Variants in ACSL4 observed in about 807,000 individuals in gnomAD.
ACSL4 encodes acyl-CoA synthetase long chain family member 4, also known as long-chain-fatty-acid--CoA ligase 4.
Under a neutral mutation model 49.1 loss-of-function variants are expected in ACSL4, and 9 were observed. The ratio of observed to expected loss-of-function variants is 0.18; its 90% CI spans 0.11 to 0.32. ACSL4 has a LOEUF of 0.32. Ranked by LOEUF, ACSL4 falls within the 10% of genes least tolerant of loss-of-function variation. The pLI is 1.00. For synonymous variants in ACSL4, 191 were observed against 170.3 expected, an observed-to-expected ratio of 1.12 and a Z score of -0.95; for missense variants, 333 against 493.7, an observed-to-expected ratio of 0.67 and a Z score of 3.08.
At chrX:109,663,025 G>A (rs780122924) in intron 13 of ACSL4, among the ~76,000 whole-genome samples, 186 bp downstream of exon 13, 2 of 111,536 alleles carry the variant, frequency 1.8e-5, no homozygotes, top group African/African-American at 6.5e-5. Context: ...TAATCTTAAC[G>A]ACAGCCCTAT....
chrX:109,646,537 G>A (rs1159795102), intron 15 of ACSL4, among the ~76,000 whole-genome samples: 1 of 109,099 alleles, frequency 9.2e-6, no homozygotes, highest in Non-Finnish European at 1.9e-5. Flanking sequence ...AACATGGAAA[G>A]GAACAACCGG....
intron 9 of ACSL4, among the ~76,000 whole-genome samples, chrX:109,672,302 G>A (rs936087610): frequency 9.2e-6 from 1 of 108,410 alleles, no homozygotes; most frequent in Non-Finnish European, 1.9e-5. Context: ...GGGGAGGGGA[G>A]AGGGGGCAGG....
chrX:109,724,452 T>A (rs1445787242), intron 1 of ACSL4, among the ~76,000 whole-genome samples: 1 of 110,940 alleles, frequency 9.0e-6, no homozygotes, highest in Non-Finnish European at 1.9e-5. Flanking sequence ...TTTTTGTTTT[T>A]GTTTTTTTGA....
At chrX:109,685,875 AG>A (rs1431786726) in intron 2 of ACSL4, among the ~76,000 whole-genome samples, 1 of 111,064 alleles carries the variant, frequency 9.0e-6, no homozygotes, top group Non-Finnish European at 1.9e-5. Flanking sequence ...CACAATGTCA[AG>A]TGATTCACAA....
intron 15 of ACSL4, among the ~76,000 whole-genome samples, chrX:109,648,055 C>T (rs766169137): frequency 2.0e-4 from 22 of 111,590 alleles, no homozygotes; most frequent in African/African-American, 4.9e-4. Context: ...AAAAAAAAGC[C>T]CATGACCAGA....
At position 109,733,233 on chromosome X, in the gene ACSL4, A is replaced by G; in HGVS notation, c.-160T>C. The G allele has an allele frequency of 3.1e-6, 1 of 321,446 alleles. No homozygotes were observed. 26.5% of individuals were successfully genotyped at this position (321,446 alleles called of 1,213,427 possible). On this transcript the variant is annotated 5_prime_UTR_variant, in exon 1 of 16. Transcript: ENST00000672401. ...CCGCGTGCCCGCTAGCGCTGGGACG[A>G]GGAGGAGCGCGCGGCGGAGGCCAGA... is the stretch of plus-strand genomic sequence containing the variant.
intron 1 of ACSL4, among the ~76,000 whole-genome samples, chrX:109,700,207 C>CAAA (rs748667601): frequency 1.4e-3 from 23 of 16,241 alleles, no homozygotes; most frequent in South Asian, 2.9e-3. Flanking sequence ...GACTCCGTCT[C>CAAA]AAAAAAAAAA....
chrX:109,725,538 G>A (rs1018806736), intron 1 of ACSL4, among the ~76,000 whole-genome samples: 6 of 110,899 alleles, frequency 5.4e-5, no homozygotes, highest in East Asian at 5.7e-4. Context: ...CAAGGCGGGC[G>A]GATCACGAGG....
chrX:109,677,419 A>T (rs772952308), intron 8 of ACSL4, among the ~76,000 whole-genome samples: 50 of 111,672 alleles, frequency 4.5e-4, no homozygotes, highest in African/African-American at 1.6e-3. Flanking sequence ...TTGCATTTAT[A>T]TTCTCTATCG....
chrX:109,668,047 G>C, intron 11 of ACSL4, 54 bp downstream of exon 11: 1 of 941,006 alleles, frequency 1.1e-6, no homozygotes, highest in Non-Finnish European at 1.5e-6. Context: ...TAATGCGAAT[G>C]TATTTTATTA....
chrX:109,692,100 G>A (rs1925081339), intron 2 of ACSL4: 1 of 111,845 alleles, frequency 8.9e-6, no homozygotes, highest in Non-Finnish European at 1.9e-5. Context: ...TCCCAGCAAA[G>A]AAAGCACCTC....
intron 1 of ACSL4, among the ~76,000 whole-genome samples, chrX:109,709,897 G>C (rs1277867811): frequency 9.0e-6 from 1 of 111,272 alleles, no homozygotes; most frequent in Admixed American, 9.6e-5. Context: ...ACGGAGGTCG[G>C]TAGTTCAAGA....
intron 12 of ACSL4, among the ~76,000 whole-genome samples, chrX:109,663,735 G>C (rs1237584245): frequency 9.0e-6 from 1 of 111,263 alleles, no homozygotes; most frequent in Non-Finnish European, 1.9e-5. Flanking sequence ...ACTTGAAGCT[G>C]TTATAAGTAA....
chrX:109,685,855 A>T (rs1468336327), intron 2 of ACSL4, among the ~76,000 whole-genome samples: 1 of 110,491 alleles, frequency 9.1e-6, no homozygotes, highest in African/African-American at 3.3e-5. Flanking sequence ...AAGACATGCT[A>T]AATGATACAC....
intron 8 of ACSL4, among the ~76,000 whole-genome samples, chrX:109,677,559 A>G (rs915340126): frequency 9.0e-6 from 1 of 110,594 alleles, no homozygotes; most frequent in African/African-American, 3.3e-5. Flanking sequence ...CGGACAGATC[A>G]CTGGAGGTCA....
intron 2 of ACSL4, among the ~76,000 whole-genome samples, chrX:109,689,209 A>C (rs1446663054): frequency 9.0e-6 from 1 of 111,514 alleles, no homozygotes; most frequent in Admixed American, 9.6e-5. Context: ...TTTGACTTAC[A>C]AAAAAGGTGA....
intron 4 of ACSL4, among the ~76,000 whole-genome samples, chrX:109,681,653 G>T (rs1924173615): frequency 8.9e-6 from 1 of 111,959 alleles, no homozygotes; most frequent in African/African-American, 3.3e-5. Context: ...TGTCAATTTA[G>T]ATGCTCAAGG....
At chrX:109,645,575 A>C (rs954897064) in intron 15 of ACSL4, among the ~76,000 whole-genome samples, 10 of 112,096 alleles carry the variant, frequency 8.9e-5, no homozygotes, top group Admixed American at 1.9e-4. Flanking sequence ...ATGGGGAAAA[A>C]ACAGAGCAGA....
chrX:109,643,850 C>G lies in ACSL4; in HGVS notation c.*179G>C, dbSNP rs1195349618. 5.8e-6 allele frequency: 3 copies of G among 520,281 alleles called. No individual in the cohort carries two copies. The highest frequency in any genetic ancestry group is 6.4e-6 in the Non-Finnish European group (2 of 314,603). The allele number at this position is 520,281 out of a possible 1,213,427, so 42.9% of individuals were successfully genotyped here. On this transcript the variant is annotated 3_prime_UTR_variant, in exon 16 of 16. Coordinates refer to ENST00000672401, the MANE Select transcript of ACSL4 (RefSeq NM_001318510.2). ...CAATTTCAGCTGCACTAGAACTATGCAAAACTAAGTTAAAGTAAACCGGAC... is the reference window on the plus strand; with the variant it reads ...CAATTTCAGCTGCACTAGAACTATGGAAAACTAAGTTAAAGTAAACCGGAC...
Sources: gnomAD v4.1 joint callset for allele counts (sites outside exome capture counted in the v4.1 genomes callset) on GRCh38, gnomAD v4.1.1 for gene constraint, MANE v1.5 for transcripts, NCBI Gene and HGNC (gene_info 2026-07-23, HGNC 2026-07-21) for gene names.